Variants in ACYP2 observed in about 807,000 individuals in gnomAD.
ACYP2 encodes the protein acylphosphatase 2, also known as acylphosphatase-2.
A neutral mutation model predicts 11.2 loss-of-function variants in ACYP2; 12 were observed. The observed-to-expected ratio is 1.08, with a 90% CI of 0.69 to 1.74. The LOEUF is 1.74. ACYP2 is among the 40% of genes most tolerant of loss of function. The pLI, the probability that ACYP2 is intolerant of heterozygous loss-of-function variation, is 0.00. For missense variants in ACYP2, 134 were observed against 101.9 expected (o/e 1.31, Z -1.35); for synonymous variants, 43 against 32.2 (o/e 1.33, Z -1.13).
At chr2:54,223,943 T>C (rs1216594856) in intron 6 of ACYP2, among the ~76,000 whole-genome samples, 1 of 152,180 alleles carries the variant, frequency 6.6e-6, no homozygotes, top group Non-Finnish European at 1.5e-5. Context: ...TTTGGGGGTA[T>C]ATTCTTACCT....
intron 6 of ACYP2, among the ~76,000 whole-genome samples, chr2:54,213,764 C>T (rs968946450): frequency 1.1e-4 from 16 of 148,302 alleles, no homozygotes; most frequent in Non-Finnish European, 2.2e-4. Flanking sequence ...CCCCACCCCA[C>T]ACCCCCTACT....
chr2:54,201,636 C>CTCTCTCTTTCTTTCTTTCTTTCTT (rs769862240), intron 6 of ACYP2, among the ~76,000 whole-genome samples: 1 of 93,660 alleles, frequency 1.1e-5, no homozygotes, highest in African/African-American at 4.3e-5. Context: ...TTCTTTCTTT[C>CTCTCTCTTTCTTTCTTTCTTTCTT]TCTTTCTTTC....
chr2:54,288,459 C>G (rs1298656021), intron 6 of ACYP2, among the ~76,000 whole-genome samples: 10 of 152,026 alleles, frequency 6.6e-5, no homozygotes, highest in Non-Finnish European at 1.5e-4. Context: ...TGTATATTCT[C>G]TAGGCCAGGT....
intron 2 of ACYP2, chr2:53,975,419 G>A (rs939771907): frequency 2.3e-5 from 9 of 393,644 alleles, no homozygotes; most frequent in Middle Eastern, 6.3e-4. Context: ...CCTTTCTTTC[G>A]GGGAGCTGGT....
chr2:54,089,886 C>T lies in ACYP2; in HGVS notation c.277+32526C>T, dbSNP rs144471045. ...CTCAGCCGGACACGGTGGCTCATAC[C>T]TGTAATCCTAGCACTTTGGGAGGCC... On this transcript the variant is annotated intron_variant, in intron 4 of 6. Coordinates refer to ENST00000607452, the MANE Select transcript of ACYP2 (RefSeq NM_001320586.2). Among the ~76,000 whole-genome samples, 1,178 of 151,788 alleles carry T rather than the reference C, an allele frequency of 7.8e-3. 18 individuals are homozygous for T. The highest frequency in any genetic ancestry group is 8.6e-3 in the Non-Finnish European group (581 of 67,910).
chr2:53,998,201 GA>G (rs1181656712), intron 2 of ACYP2, among the ~76,000 whole-genome samples: 5 of 152,280 alleles, frequency 3.3e-5, no homozygotes, highest in African/African-American at 1.2e-4. Flanking sequence ...TAATCTTAAA[GA>G]AAATAGATTC....
At chr2:53,997,845 AACACTCC>A (rs1334713451) in intron 2 of ACYP2, among the ~76,000 whole-genome samples, 1 of 152,100 alleles carries the variant, frequency 6.6e-6, no homozygotes, top group Non-Finnish European at 1.5e-5. Flanking sequence ...GAAATGAAAA[AACACTCC>A]ATGTGACTGT....
At chr2:54,092,998 A>G (rs900322492) in intron 4 of ACYP2, among the ~76,000 whole-genome samples, 38 of 152,202 alleles carry the variant, frequency 2.5e-4, no homozygotes, top group African/African-American at 8.2e-4. Flanking sequence ...GACAACTCTG[A>G]AGTGAGCTCT....
Position 54,261,282 on chromosome 2 carries a change from T to C in ACYP2, c.405-43406T>C, listed in dbSNP as rs558605479. ...AATTTCAACTTTGGAGCCTGAAATATTCTGGCTATAATTTTTTTTTCCTAA... is the reference window on the plus strand; with the variant it reads ...AATTTCAACTTTGGAGCCTGAAATACTCTGGCTATAATTTTTTTTTCCTAA... On this transcript the variant is annotated intron_variant, in intron 6 of 6. Coordinates refer to ENST00000607452, the MANE Select transcript of ACYP2 (RefSeq NM_001320586.2). 1.3e-3 allele frequency among the ~76,000 whole-genome samples: 203 copies of C among 152,122 alleles called. 9 individuals carry two copies. In the South Asian group the frequency reaches 0.042, roughly 31 times the overall value.
chr2:54,163,122 C>T (rs182573888), intron 6 of ACYP2, among the ~76,000 whole-genome samples: 102 of 152,286 alleles, frequency 6.7e-4, no homozygotes, highest in Non-Finnish European at 1.3e-3. Context: ...GATATTCTGC[C>T]TCTAACAAAC....
intron 6 of ACYP2, 128 bp downstream of exon 3, chr2:54,138,876 T>A: frequency 1.4e-6 from 1 of 712,132 alleles, no homozygotes; most frequent in Non-Finnish European, 2.3e-6. Context: ...CACTACAACC[T>A]CTGCCTTCCA....
chr2:54,029,755 G>T, intron 2 of ACYP2: 1 of 598,052 alleles, frequency 1.7e-6, no homozygotes, highest in Admixed American at 1.9e-5. Flanking sequence ...CCAACAGCAT[G>T]CTGGGGAACA....
At chr2:54,150,843 A>G (rs1572859237) in intron 6 of ACYP2, among the ~76,000 whole-genome samples, 1 of 142,294 alleles carries the variant, frequency 7.0e-6, no homozygotes, top group South Asian at 2.2e-4. Context: ...CCGGGTTCAT[A>G]CCATTCTCCT....
intron 6 of ACYP2, among the ~76,000 whole-genome samples, chr2:54,175,674 C>G (rs1041893909): frequency 6.6e-6 from 1 of 152,022 alleles, no homozygotes; most frequent in Admixed American, 6.6e-5. Flanking sequence ...CCTGTTTTTG[C>G]TTTTTTACTG....
At chr2:54,250,907 T>C (rs1194916140) in intron 6 of ACYP2, among the ~76,000 whole-genome samples, 1 of 152,178 alleles carries the variant, frequency 6.6e-6, no homozygotes, top group Non-Finnish European at 1.5e-5. Context: ...AATTATCAAA[T>C]GAAATATACC....
chr2:54,284,107 T>C (rs1281458245), intron 6 of ACYP2, among the ~76,000 whole-genome samples: 5 of 152,170 alleles, frequency 3.3e-5, no homozygotes, highest in Admixed American at 6.5e-5. Context: ...CTCTTTATAT[T>C]AAGTGGAAAA....
rs918687530 is a variant in ACYP2 at position 54,185,490 on chromosome 2, C to T, written c.404+46742C>T. On this transcript the variant is annotated intron_variant, in intron 6 of 6. Transcript: ENST00000607452. ...GCCAACAAATCTCTATTGTTTAAGCCTCTTGGAATTGAGCTTTTGGTTATT... is the reference window on the plus strand; with the variant it reads ...GCCAACAAATCTCTATTGTTTAAGCTTCTTGGAATTGAGCTTTTGGTTATT... 6.6e-5 allele frequency among the ~76,000 whole-genome samples: 10 copies of T among 152,208 alleles called. No homozygotes were observed. In the East Asian group the frequency reaches 1.7e-3, roughly 26 times the overall value.
intron 4 of ACYP2, among the ~76,000 whole-genome samples, chr2:54,106,887 T>G (rs1205503979): frequency 6.6e-6 from 1 of 152,098 alleles, no homozygotes; most frequent in East Asian, 1.9e-4. Context: ...CCCGGCCAAA[T>G]TTTGCTTTTC....
At chr2:54,083,339 A>G (rs147417037) in intron 4 of ACYP2, among the ~76,000 whole-genome samples, 1 of 152,314 alleles carries the variant, frequency 6.6e-6, no homozygotes, top group Non-Finnish European at 1.5e-5. Flanking sequence ...TGAAGCTGAC[A>G]CATTATCTTT....
Sources: gnomAD v4.1 joint callset for allele counts (sites outside exome capture counted in the v4.1 genomes callset) on GRCh38, gnomAD v4.1.1 for gene constraint, MANE v1.5 for transcripts, NCBI Gene and HGNC (gene_info 2026-07-23, HGNC 2026-07-21) for gene names.